Variants in ARPC1B observed in about 807,000 individuals in gnomAD.
The protein encoded by ARPC1B is actin related protein 2/3 complex subunit 1B.
A neutral mutation model predicts 46.0 loss-of-function variants in ARPC1B; 29 were observed. The observed-to-expected ratio is 0.63, with a 90% CI of 0.47 to 0.86. The LOEUF (loss-of-function observed/expected upper bound fraction) is 0.86, where lower values mean the gene tolerates loss of function less well. ARPC1B is among the 40% of genes least tolerant of loss of function. The pLI, the probability that ARPC1B is intolerant of heterozygous loss-of-function variation, is 0.00. For synonymous variants in ARPC1B, 201 were observed against 213.9 expected (o/e 0.94, Z 0.53); for missense variants, 469 against 529.4 (o/e 0.89, Z 1.12).
intron 1 of ARPC1B, among the ~76,000 whole-genome samples, chr7:99,381,852 G>T (rs897892544): frequency 1.3e-5 from 2 of 152,214 alleles, no homozygotes; most frequent in African/African-American, 4.8e-5. Context: ...GTGCAGGATG[G>T]GCCGGCCCCT....
intron 1 of ARPC1B, among the ~76,000 whole-genome samples, chr7:99,378,979 G>A (rs187737356): frequency 6.6e-6 from 1 of 151,740 alleles, no homozygotes; most frequent in East Asian, 2.0e-4. Flanking sequence ...GGGTTTCACC[G>A]TTTTAGCCAG....
At chr7:99,393,925 T>C in intron 8 of ARPC1B, 104 bp from the exon 9 acceptor site, 1 of 1,184,530 alleles carries the variant, frequency 8.4e-7, no homozygotes, top group Non-Finnish European at 1.2e-6. Context: ...TACTTCTCAC[T>C]AAAGCCCGCT....
intron 1 of ARPC1B, among the ~76,000 whole-genome samples, chr7:99,375,372 G>C (rs982890564): frequency 6.6e-6 from 1 of 152,234 alleles, no homozygotes; most frequent in South Asian, 2.1e-4. Context: ...CGCCTCCCCC[G>C]GGCCAGGTCC....
At position 99,393,960 on chromosome 7, in the gene ARPC1B, G is replaced by A. The variant is rs1794671656; in HGVS notation, c.990-69G>A. The A allele has an allele frequency of 7.2e-6, 11 of 1,530,366 alleles. No individual in the cohort carries two copies. The South Asian group carries it at 1.2e-4, about 17-fold the overall frequency. The allele number at this position is 1,530,366 out of a possible 1,614,324, so 94.8% of individuals were successfully genotyped here. ...TCCCCAAGAAGTCTGGGAGCGCCTG[G>A]TGGACAGGGTGGGCCTGAGCCCAGC... On this transcript the variant is annotated intron_variant, in intron 8 of 9. Transcript: ENST00000646101.
At chr7:99,386,983 A>G (rs1794409182) in intron 3 of ARPC1B, among the ~76,000 whole-genome samples, 194 bp downstream of exon 3, 1 of 152,184 alleles carries the variant, frequency 6.6e-6, no homozygotes, top group Non-Finnish European at 1.5e-5. Context: ...GGGCTTCAGG[A>G]GAGGCTTGAT....
intron 2 of ARPC1B, 169 bp from the exon 3 acceptor site, chr7:99,386,516 A>T: frequency 1.4e-6 from 1 of 721,572 alleles, no homozygotes; most frequent in Non-Finnish European, 2.5e-6. Context: ...AGGAGAAGAC[A>T]GGGTGGCCTA....
At chr7:99,389,130 T>TTTC (rs1416161341) in intron 4 of ARPC1B, 1 of 151,160 alleles carries the variant, frequency 6.6e-6, no homozygotes, top group Non-Finnish European at 1.5e-5. Flanking sequence ...AGAGATGGGG[T>TTTC]TTCTCCATGT....
intron 1 of ARPC1B, among the ~76,000 whole-genome samples, chr7:99,385,182 C>G (rs1265562459): frequency 1.3e-5 from 2 of 151,510 alleles, no homozygotes; most frequent in African/African-American, 4.8e-5. Context: ...TCTTGAACTC[C>G]TGGCCGCAAG....
chr7:99,393,902 T>C, intron 8 of ARPC1B, 127 bp from the exon 9 acceptor site: 1 of 896,752 alleles, frequency 1.1e-6, no homozygotes, highest in Non-Finnish European at 1.8e-6. Flanking sequence ...CTAAGCCCAC[T>C]ACACCCCCTC....
At chr7:99,393,825 G>A (rs1794666455) in intron 8 of ARPC1B, among the ~76,000 whole-genome samples, 1 of 152,120 alleles carries the variant, frequency 6.6e-6, no homozygotes, top group Non-Finnish European at 1.5e-5. Context: ...CTGCCTCCCA[G>A]GACTTGAGTG....
chr7:99,386,515 C>A (rs753728610), intron 2 of ARPC1B, 170 bp from the exon 3 acceptor site: 1 of 719,986 alleles, frequency 1.4e-6, no homozygotes. Flanking sequence ...CAGGAGAAGA[C>A]AGGGTGGCCT....
At chr7:99,385,879 C>A in intron 2 of ARPC1B, 101 bp downstream of exon 2, 1 of 1,198,990 alleles carries the variant, frequency 8.3e-7, no homozygotes, top group Non-Finnish European at 1.2e-6. Context: ...GGCCCCCGGA[C>A]CATGGGCTCC....
At chr7:99,375,415 G>C (rs1411263857) in intron 1 of ARPC1B, among the ~76,000 whole-genome samples, 1 of 152,158 alleles carries the variant, frequency 6.6e-6, no homozygotes, top group Non-Finnish European at 1.5e-5. Context: ...CCTGGCTGGC[G>C]GGGTCCCGGA....
intron 1 of ARPC1B, chr7:99,377,285 C>G (rs1188145564): frequency 4.6e-5 from 7 of 152,070 alleles, no homozygotes; most frequent in Non-Finnish European, 1.0e-4. Flanking sequence ...AGGCATGAGC[C>G]TCCACGCCTG....
At chr7:99,376,805 G>C (rs952230158) in intron 1 of ARPC1B, among the ~76,000 whole-genome samples, 1 of 151,774 alleles carries the variant, frequency 6.6e-6, no homozygotes, top group Non-Finnish European at 1.5e-5. Context: ...GGGAGGCGGA[G>C]GTTGCGGTGA....
chr7:99,377,655 G>T (rs1794068406), intron 1 of ARPC1B, among the ~76,000 whole-genome samples: 1 of 150,408 alleles, frequency 6.6e-6, no homozygotes, highest in Admixed American at 6.7e-5. Context: ...ATTTGGAGGT[G>T]GCGGAGTTTC....
intron 1 of ARPC1B, chr7:99,383,973 G>A (rs1794302411): frequency 6.6e-6 from 1 of 152,238 alleles, no homozygotes; most frequent in South Asian, 2.1e-4. Flanking sequence ...TGAGAAAACT[G>A]AGGTTAAAAG....
At chr7:99,393,263 G>A (rs1013336671) in intron 8 of ARPC1B, among the ~76,000 whole-genome samples, 3 of 152,256 alleles carry the variant, frequency 2.0e-5, no homozygotes, top group Admixed American at 6.5e-5. Flanking sequence ...AGTGGAGCCT[G>A]GGAGGGACAC....
intron 1 of ARPC1B, among the ~76,000 whole-genome samples, chr7:99,383,088 G>A (rs905525099): frequency 3.3e-5 from 5 of 149,972 alleles, no homozygotes; most frequent in Admixed American, 2.0e-4. Context: ...CAGGTGATCC[G>A]CCCGCCTCGG....
Sources: gnomAD v4.1 joint callset for allele counts (sites outside exome capture counted in the v4.1 genomes callset) on GRCh38, gnomAD v4.1.1 for gene constraint, MANE v1.5 for transcripts, NCBI Gene and HGNC (gene_info 2026-07-23, HGNC 2026-07-21) for gene names.